PRKD1: variants seen among roughly 807,000 people sequenced by gnomAD.
PRKD1 encodes serine/threonine-protein kinase D1.
In PRKD1, 63 loss-of-function variants were observed where a neutral mutation model predicts 95.9. The observed-to-expected ratio is 0.66, with a 90% CI of 0.54 to 0.81. The LOEUF is 0.81. Among genes scored for constraint, PRKD1 ranks in the 30% least tolerant of loss-of-function variants. PRKD1 has a pLI of 0.00. For synonymous variants in PRKD1, 425 were observed against 423.1 expected, an observed-to-expected ratio of 1.00 and a Z score of -0.05; for missense variants, 1,048 against 1,165.3, an observed-to-expected ratio of 0.90 and a Z score of 1.47.
intron 1 of PRKD1, among the ~76,000 whole-genome samples, chr14:29,786,568 T>G (rs1409057636): frequency 6.6e-6 from 1 of 152,182 alleles, no homozygotes; most frequent in Non-Finnish European, 1.5e-5. Flanking sequence ...TCAATCTTGA[T>G]AGGCTGTGTG....
At chr14:29,594,654 T>C in intron 16 of PRKD1, among the ~76,000 whole-genome samples, 1 of 152,298 alleles carries the variant, frequency 6.6e-6, no homozygotes, top group South Asian at 2.1e-4. Flanking sequence ...GCTTGGGTTT[T>C]TATTTCCCTG....
chr14:29,697,502 T>C (rs1369519349), intron 2 of PRKD1, among the ~76,000 whole-genome samples: 1 of 152,236 alleles, frequency 6.6e-6, no homozygotes, highest in Non-Finnish European at 1.5e-5. Context: ...GCAGATTTGC[T>C]TTTACTAACA....
chr14:29,803,828 G>T (rs1890126389), intron 1 of PRKD1, among the ~76,000 whole-genome samples: 1 of 152,108 alleles, frequency 6.6e-6, no homozygotes. Flanking sequence ...ATCTGCAACT[G>T]GGTTCATTTA....
chr14:29,608,529 C>A (rs1225274786), intron 13 of PRKD1, among the ~76,000 whole-genome samples: 1 of 152,126 alleles, frequency 6.6e-6, no homozygotes, highest in East Asian at 1.9e-4. Flanking sequence ...CCAAATTATA[C>A]ATTTTTCTCA....
intron 1 of PRKD1, among the ~76,000 whole-genome samples, chr14:29,731,998 C>T (rs1430399048): frequency 6.6e-6 from 1 of 151,754 alleles, no homozygotes. Flanking sequence ...CTCTGCCTGC[C>T]GAGTAGTTGG....
At chr14:29,822,742 A>G (rs912911382) in intron 1 of PRKD1, among the ~76,000 whole-genome samples, 1 of 152,142 alleles carries the variant, frequency 6.6e-6, no homozygotes, top group Admixed American at 6.5e-5. Context: ...GCATATCTGG[A>G]AACTATTCTG....
intron 13 of PRKD1, among the ~76,000 whole-genome samples, chr14:29,612,872 G>A (rs1010731533): frequency 6.6e-6 from 1 of 152,192 alleles, no homozygotes; most frequent in African/African-American, 2.4e-5. Context: ...GCCTAGGCGG[G>A]TGGATCACGA....
intron 1 of PRKD1, among the ~76,000 whole-genome samples, chr14:29,750,681 C>T (rs142866131): frequency 2.0e-5 from 3 of 151,986 alleles, no homozygotes; most frequent in African/African-American, 7.2e-5. Flanking sequence ...GCTAATTCAC[C>T]TAATGTGCAC....
chr14:29,843,930 A>C (rs968269908), intron 1 of PRKD1, among the ~76,000 whole-genome samples: 1 of 152,230 alleles, frequency 6.6e-6, no homozygotes, highest in African/African-American at 2.4e-5. Flanking sequence ...GCAATTAAGC[A>C]TGTCAACCTT....
chr14:29,589,620 AATATT>A (rs1390577841), intron 16 of PRKD1, among the ~76,000 whole-genome samples: 3 of 151,944 alleles, frequency 2.0e-5, no homozygotes, highest in African/African-American at 7.2e-5. Context: ...TTTACATATA[AATATT>A]ATATATTATT....
intron 1 of PRKD1, among the ~76,000 whole-genome samples, chr14:29,851,640 C>T (rs887762523): frequency 6.6e-6 from 1 of 152,100 alleles, no homozygotes; most frequent in African/African-American, 2.4e-5. Context: ...GGTAGGAAAG[C>T]AAACTAGTTC....
intron 1 of PRKD1, among the ~76,000 whole-genome samples, chr14:29,763,063 A>C: frequency 6.6e-6 from 1 of 151,044 alleles, no homozygotes; most frequent in African/African-American, 2.4e-5. Context: ...GTGTTTAAAA[A>C]GTAAATAAGA....
chr14:29,593,153 T>C (rs552350234), intron 16 of PRKD1, among the ~76,000 whole-genome samples: 78 of 152,258 alleles, frequency 5.1e-4, no homozygotes, highest in African/African-American at 1.9e-3. Context: ...CATATGAGTG[T>C]TTAGAATAGT....
chr14:29,623,619 T>TAAAA (rs1879422654), intron 13 of PRKD1, among the ~76,000 whole-genome samples: 1 of 152,230 alleles, frequency 6.6e-6, no homozygotes. Context: ...ATACATTTTA[T>TAAAA]TATCAAATTC....
chr14:29,690,831 T>C (rs1186482655), intron 2 of PRKD1, among the ~76,000 whole-genome samples: 1 of 152,184 alleles, frequency 6.6e-6, no homozygotes, highest in Non-Finnish European at 1.5e-5. Flanking sequence ...CATTCTTACA[T>C]TCTCATCTGG....
At chr14:29,664,498 T>C (rs866918523) in intron 3 of PRKD1, among the ~76,000 whole-genome samples, 14 of 152,272 alleles carry the variant, frequency 9.2e-5, no homozygotes, top group South Asian at 6.2e-4. Flanking sequence ...TGGAGGCCAT[T>C]ACTTAGAATC....
intron 1 of PRKD1, among the ~76,000 whole-genome samples, chr14:29,889,078 T>C (rs1003180852): frequency 9.2e-5 from 14 of 152,184 alleles, no homozygotes; most frequent in African/African-American, 3.1e-4. Flanking sequence ...ACAGCATTGG[T>C]CCTCTAGTCC....
At chr14:29,724,378 T>G (rs979029967) in intron 2 of PRKD1, among the ~76,000 whole-genome samples, 3 of 152,126 alleles carry the variant, frequency 2.0e-5, no homozygotes, top group Non-Finnish European at 4.4e-5. Context: ...CCTGAATAAT[T>G]AATTTAGTGT....
At chr14:29,735,189 C>T (rs926946972) in intron 1 of PRKD1, among the ~76,000 whole-genome samples, 2 of 151,886 alleles carry the variant, frequency 1.3e-5, no homozygotes, top group African/African-American at 4.8e-5. Context: ...CTGCATTTTA[C>T]AAGAAAAGTG....
Sources: allele counts gnomAD v4.1 joint callset (sites outside exome capture counted in the v4.1 genomes callset), GRCh38; gene constraint gnomAD v4.1.1; transcripts MANE v1.5; gene names NCBI Gene and HGNC (gene_info 2026-07-23, HGNC 2026-07-21).